The following DOCK10 variants were observed in gnomAD, a reference collection of about 807,000 sequenced individuals.
The protein encoded by DOCK10 is dedicator of cytokinesis protein 10.
Under a neutral mutation model 280.1 loss-of-function variants are expected in DOCK10, and 145 were observed. That is an observed-to-expected ratio of 0.52 (90% CI 0.45 to 0.59). The LOEUF is 0.59. Ranked by LOEUF, DOCK10 falls within the 20% of genes least tolerant of loss-of-function variation. The pLI is 0.00. For synonymous variants in DOCK10, 915 were observed against 942.2 expected, an observed-to-expected ratio of 0.97 and a Z score of 0.53; for missense variants, 2,368 against 2,651.7, an observed-to-expected ratio of 0.89 and a Z score of 2.35.
rs774763432 is a variant in DOCK10 at position 224,862,669 on chromosome 2, T to C, written c.1680A>G (p.Ala560=). 3.1e-6 allele frequency: 5 copies of C among 1,612,824 alleles called. No individual in the cohort carries two copies. The highest frequency in any genetic ancestry group is 1.7e-6 in the Non-Finnish European group (2 of 1,179,132). The change falls in exon 14 of 56, where the codon GCA becomes GCG. Residue 560 remains alanine, a synonymous_variant. Transcript: ENST00000258390. ...GGCTGCAACTGTCAACATACCTTAC[T>C]GCCCAAGCAAAAGGCATACGGTATT... ...LGKYRMPFAW[A]VRSVFKDNQG... is the part of the protein sequence containing the mutation.
intron 50 of DOCK10, among the ~76,000 whole-genome samples, chr2:224,782,183 A>C (rs1293983309): frequency 6.6e-6 from 1 of 152,170 alleles, no homozygotes; most frequent in Non-Finnish European, 1.5e-5. Context: ...GAGCTATATC[A>C]TGTCCCAAAG....
chr2:224,804,453 T>G (rs76577198), intron 38 of DOCK10, among the ~76,000 whole-genome samples: 7 of 136,468 alleles, frequency 5.1e-5, no homozygotes, highest in African/African-American at 1.2e-4. Context: ...TTACTTGTTT[T>G]TTTTTTTTTT....
chr2:224,963,201 G>A (rs1047253335), intron 1 of DOCK10, among the ~76,000 whole-genome samples: 3 of 152,158 alleles, frequency 2.0e-5, no homozygotes, highest in African/African-American at 7.2e-5. Context: ...CTGGCATGGA[G>A]TCTGGAACCC....
chr2:224,937,579 G>A (rs16866374), intron 1 of DOCK10, among the ~76,000 whole-genome samples: 1,531 of 152,146 alleles, frequency 0.01, 33 homozygotes, highest in African/African-American at 0.034. Context: ...TCATAATGAA[G>A]AGTACTCAAA....
At chr2:224,985,484 G>A (rs1011698667) in intron 1 of DOCK10, among the ~76,000 whole-genome samples, 1 of 152,022 alleles carries the variant, frequency 6.6e-6, no homozygotes, top group Non-Finnish European at 1.5e-5. Context: ...AGATAGCCGT[G>A]TTGTGTAGAC....
chr2:224,845,634 A>G lies in DOCK10; in HGVS notation c.2244T>C (p.Ile748=). Residue 748 remains isoleucine, a synonymous_variant, in exon 20 of 56, where the codon ATT becomes ATC. Transcript: ENST00000258390. ...QNPDFSDEVK[I]ELPTQLHEKH... is the part of the protein sequence containing the mutation. ...TCTCATGGAGTTGTGTTGGTAGCTC[A>G]ATTTTCACCTGCAACGAAAGAAACC... 1 of 1,609,370 alleles carries G rather than the reference A, an allele frequency of 6.2e-7. No homozygotes were observed. Among genetic ancestry groups the G allele is most frequent in the Non-Finnish European group, 8.5e-7 (1 of 1,178,500 alleles).
chr2:224,892,740 C>A (rs1172151527), intron 4 of DOCK10, among the ~76,000 whole-genome samples: 1 of 152,188 alleles, frequency 6.6e-6, no homozygotes, highest in Non-Finnish European at 1.5e-5. Context: ...TGTCCAATGC[C>A]CTTGGGCAGG....
chr2:224,778,885 A>G (rs535390866), intron 50 of DOCK10, among the ~76,000 whole-genome samples: 2 of 152,270 alleles, frequency 1.3e-5, no homozygotes, highest in Non-Finnish European at 2.9e-5. Flanking sequence ...GACTTCAGGG[A>G]CCTCCTGAAA....
intron 1 of DOCK10, among the ~76,000 whole-genome samples, chr2:224,954,054 C>A (rs911300311): frequency 5.9e-5 from 9 of 152,124 alleles, no homozygotes; most frequent in Admixed American, 6.5e-5. Context: ...TAACATAGTA[C>A]TCCAATTATA....
chr2:224,839,502 C>A (rs1695818141), intron 24 of DOCK10, among the ~76,000 whole-genome samples: 1 of 152,260 alleles, frequency 6.6e-6, no homozygotes, highest in South Asian at 2.1e-4. Flanking sequence ...GCATCCACAT[C>A]GTGGAATACT....
chr2:224,991,118 A>T, intron 1 of DOCK10, among the ~76,000 whole-genome samples: 1 of 152,228 alleles, frequency 6.6e-6, no homozygotes, highest in Non-Finnish European at 1.5e-5. Flanking sequence ...AGGTGGGCTG[A>T]AAGCTTCTTC....
intron 1 of DOCK10, among the ~76,000 whole-genome samples, chr2:225,041,636 C>T (rs551179273): frequency 2.0e-5 from 3 of 152,350 alleles, no homozygotes; most frequent in Non-Finnish European, 4.4e-5. Context: ...TGACCCACGT[C>T]TCCTCCAGCC....
intron 47 of DOCK10, 104 bp from the exon 48 acceptor site, chr2:224,789,274 G>A: frequency 1.5e-6 from 1 of 684,278 alleles, no homozygotes. Flanking sequence ...GTATTACAAA[G>A]CTCACACAAT....
At chr2:224,850,214 A>C (rs1215898733) in intron 18 of DOCK10, among the ~76,000 whole-genome samples, 1 of 151,676 alleles carries the variant, frequency 6.6e-6, no homozygotes, top group African/African-American at 2.4e-5. Context: ...GTACACCCAC[A>C]CTCTTCTTTC....
rs1574773709 is a variant in DOCK10 at position 224,765,576 on chromosome 2, T to G, written c.*145A>C. 1 of 568,432 alleles carries G rather than the reference T, an allele frequency of 1.8e-6. No individual in the cohort carries two copies. The highest frequency in any genetic ancestry group is 3.1e-5 in the East Asian group (1 of 32,522). The allele number at this position is 568,432 out of a possible 1,614,324, so 35.2% of individuals were successfully genotyped here. A position where few individuals can be genotyped will look rare whatever the true frequency, so the allele number is the denominator to read the frequency against. On this transcript the variant is annotated 3_prime_UTR_variant, in exon 56 of 56. Transcript: ENST00000258390. ...TATACAAAATGTGCAAATTCAGAGG[T>G]TGGCAAAATTCTGAAGCTAGCGAGG...
chr2:224,937,202 C>T (rs1455435596), intron 1 of DOCK10, among the ~76,000 whole-genome samples: 1 of 152,118 alleles, frequency 6.6e-6, no homozygotes, highest in Admixed American at 6.5e-5. Flanking sequence ...AAATCAGAAT[C>T]TCTAGTTGGA....
In DOCK10 at chr2:224,876,273, C is replaced by T. The variant is rs79130648; in HGVS notation, c.748-52G>A. 2,206 of 1,440,808 alleles carry T rather than the reference C, an allele frequency of 1.5e-3. 19 individuals carry two copies. The African/African-American group carries it at 0.018, about 12-fold the overall frequency. 89.3% of individuals were successfully genotyped at this position (1,440,808 alleles called of 1,614,324 possible). ...AAGAGAATACCAAAAAATAAGCCTT[C>T]GAGAGAGAGATCATTTATGTGGGCT... is the stretch of plus-strand genomic sequence containing the variant. On this transcript the variant is annotated intron_variant, in intron 7 of 55. Transcript: ENST00000258390.
intron 4 of DOCK10, among the ~76,000 whole-genome samples, chr2:224,889,738 C>CA (rs903605321): frequency 5.3e-5 from 8 of 152,124 alleles, no homozygotes; most frequent in Admixed American, 5.2e-4. Context: ...GCTACCCCAC[C>CA]AAAAATATTC....
At chr2:224,780,854 C>T (rs1371944983) in intron 50 of DOCK10, among the ~76,000 whole-genome samples, 3 of 151,244 alleles carry the variant, frequency 2.0e-5, no homozygotes, top group Non-Finnish European at 2.9e-5. Context: ...GAGCCAAGTT[C>T]GAGCCACTGC....
Sources: allele counts gnomAD v4.1 joint callset (sites outside exome capture counted in the v4.1 genomes callset), GRCh38; gene constraint gnomAD v4.1.1; transcripts MANE v1.5; gene names NCBI Gene and HGNC (gene_info 2026-07-23, HGNC 2026-07-21).